GPC5: variants seen among roughly 807,000 people sequenced by gnomAD.
GPC5 encodes glypican 5.
Under a neutral mutation model 53.9 loss-of-function variants are expected in GPC5, and 47 were observed. The ratio of observed to expected loss-of-function variants is 0.87; its 90% CI spans 0.69 to 1.11. GPC5 has a LOEUF of 1.11. Among genes scored for constraint, GPC5 ranks in the 50% most tolerant of loss-of-function variants. GPC5 has a pLI of 0.00. For missense variants in GPC5, 748 were observed against 713.1 expected, an observed-to-expected ratio of 1.05 and a Z score of -0.56; for synonymous variants, 286 against 263.3, an observed-to-expected ratio of 1.09 and a Z score of -0.84.
intron 6 of GPC5, among the ~76,000 whole-genome samples, chr13:91,986,774 A>G (rs1041583387): frequency 1.3e-5 from 2 of 152,228 alleles, no homozygotes; most frequent in African/African-American, 4.8e-5. Flanking sequence ...TATATTCTCT[A>G]TGAAAACATA....
At chr13:91,772,833 C>G (rs1004820384) in intron 5 of GPC5, among the ~76,000 whole-genome samples, 2 of 152,066 alleles carry the variant, frequency 1.3e-5, no homozygotes, top group African/African-American at 4.8e-5. Context: ...GTCCCAGATT[C>G]TATGTTTTAA....
rs147585193 is a variant in GPC5 at position 92,201,377 on chromosome 13, T to C, written c.1561+56388T>C. Among the ~76,000 whole-genome samples the C allele has an allele frequency of 7.5e-4, 114 of 152,332 alleles. 1 individual carries two copies. The highest frequency in any genetic ancestry group is 2.6e-3 in the African/African-American group (109 of 41,578). The stretch of plus-strand genomic sequence containing the variant: ...CAGCCATGGCACATTGTCACTTCAA[T>C]TGATGTGCATGGTTGATACTACAAG... On this transcript the variant is annotated intron_variant, in intron 7 of 7. Transcript: ENST00000377067.
At chr13:92,168,570 CAT>C (rs769264583) in intron 7 of GPC5, among the ~76,000 whole-genome samples, 2 of 152,036 alleles carry the variant, frequency 1.3e-5, no homozygotes, top group Non-Finnish European at 2.9e-5. Flanking sequence ...AATCAACAAA[CAT>C]ATGAAAAAAA....
chr13:92,449,087 C>G (rs1300274964), intron 7 of GPC5: 1 of 151,578 alleles, frequency 6.6e-6, no homozygotes, highest in African/African-American at 2.4e-5. Flanking sequence ...TATAGAAGCT[C>G]AGCTTTTCTA....
chr13:91,964,865 A>T (rs148933134), intron 6 of GPC5, among the ~76,000 whole-genome samples: 2,950 of 152,264 alleles, frequency 0.019, 90 homozygotes, highest in African/African-American at 0.067. Flanking sequence ...TGTATTAAGA[A>T]AATGTGGCAC....
intron 6 of GPC5, among the ~76,000 whole-genome samples, chr13:92,080,654 A>C: frequency 6.6e-6 from 1 of 152,172 alleles, no homozygotes; most frequent in Non-Finnish European, 1.5e-5. Context: ...TCTGGCTGCT[A>C]TACTTACACA....
intron 7 of GPC5, among the ~76,000 whole-genome samples, chr13:92,752,579 G>A (rs893842207): frequency 8.5e-5 from 13 of 152,112 alleles, no homozygotes; most frequent in African/African-American, 2.2e-4. Flanking sequence ...CTGAGGTACC[G>A]GGTTCATCTC....
At chr13:92,064,509 G>A (rs1280501792) in intron 6 of GPC5, among the ~76,000 whole-genome samples, 2 of 152,100 alleles carry the variant, frequency 1.3e-5, no homozygotes, top group East Asian at 3.9e-4. Flanking sequence ...TGTAATCCCA[G>A]CACTTTGGGA....
At chr13:92,674,574 CAGGAGCTTCATGAAGCTCTTCT>C (rs1315171849) in intron 7 of GPC5, among the ~76,000 whole-genome samples, 2 of 147,626 alleles carry the variant, frequency 1.4e-5, no homozygotes, top group African/African-American at 5.2e-5. Context: ...CTTCTTGAAG[CAGGAGCTTCATGAAGCTCTTCT>C]TGAAGCAAGA....
In GPC5 at chr13:92,815,596, G is replaced by A. The variant is rs563432595; in HGVS notation, c.1562-50686G>A. 3.3e-5 allele frequency among the ~76,000 whole-genome samples: 5 copies of A among 151,912 alleles called. No individual in the cohort carries two copies. The East Asian group carries it at 9.7e-4, about 29-fold the overall frequency. On this transcript the variant is annotated intron_variant, in intron 7 of 7. Coordinates refer to ENST00000377067, the MANE Select transcript of GPC5 (RefSeq NM_004466.6). The stretch of plus-strand genomic sequence containing the variant: ...AATACTATAAGCAGGAAAGTTACAG[G>A]AGTTATAGTTGTATGTATCGAAAAA...
At chr13:92,383,239 C>A (rs1282456654) in intron 7 of GPC5, among the ~76,000 whole-genome samples, 1 of 152,104 alleles carries the variant, frequency 6.6e-6, no homozygotes, top group Non-Finnish European at 1.5e-5. Flanking sequence ...AAGCCAACAT[C>A]TGATGGAGAA....
At chr13:92,435,932 T>C (rs1397273586) in intron 7 of GPC5, among the ~76,000 whole-genome samples, 1 of 152,202 alleles carries the variant, frequency 6.6e-6, no homozygotes, top group Non-Finnish European at 1.5e-5. Flanking sequence ...AGCACTTCAT[T>C]TGCCAAAAGT....
At chr13:91,461,170 C>T (rs758196672) in intron 2 of GPC5, among the ~76,000 whole-genome samples, 1 of 152,088 alleles carries the variant, frequency 6.6e-6, no homozygotes, top group African/African-American at 2.4e-5. Context: ...CAAAGATAAT[C>T]GAACTTTTGC....
intron 7 of GPC5, among the ~76,000 whole-genome samples, chr13:92,401,560 G>A (rs1875561727): frequency 6.6e-6 from 1 of 152,030 alleles, no homozygotes; most frequent in Non-Finnish European, 1.5e-5. Flanking sequence ...TTATTTCACA[G>A]AGGTTATTTT....
intron 6 of GPC5, among the ~76,000 whole-genome samples, chr13:92,093,746 A>G (rs1474067890): frequency 6.6e-6 from 1 of 152,236 alleles, no homozygotes; most frequent in Non-Finnish European, 1.5e-5. Flanking sequence ...TGAGAAAGTC[A>G]TTAAAGTAGA....
intron 2 of GPC5, among the ~76,000 whole-genome samples, chr13:91,686,706 C>A (rs966094362): frequency 2.0e-5 from 3 of 151,778 alleles, no homozygotes; most frequent in Admixed American, 6.6e-5. Flanking sequence ...TTCATTGTAA[C>A]GTGTGTGATA....
chr13:92,301,425 A>ATCT (rs2043074666), intron 7 of GPC5, among the ~76,000 whole-genome samples: 1 of 152,214 alleles, frequency 6.6e-6, no homozygotes, highest in Non-Finnish European at 1.5e-5. Context: ...AAAATACAGT[A>ATCT]GCAAGAAAAC....
At position 92,357,149 on chromosome 13, in the gene GPC5, G is replaced by A. The variant is rs999482344; in HGVS notation, c.1561+212160G>A. Among the ~76,000 whole-genome samples the A allele has an allele frequency of 5.3e-5, 8 of 151,610 alleles. 1 individual carries two copies. Among genetic ancestry groups the A allele is most frequent in the Non-Finnish European group, 7.4e-5 (5 of 68,006 alleles). On this transcript the variant is annotated intron_variant, in intron 7 of 7. Transcript: ENST00000377067. The stretch of plus-strand genomic sequence containing the variant: ...GCATTTGGATTGATTCCATGTCTTC[G>A]CTGTGTTAATAGTACTGCAAGGGAC...
chr13:92,400,952 C>T (rs896808273), intron 7 of GPC5, among the ~76,000 whole-genome samples: 2 of 151,764 alleles, frequency 1.3e-5, no homozygotes, highest in Non-Finnish European at 2.9e-5. Context: ...GGGACAGGGA[C>T]AAATCCTAGG....
Sources: gnomAD v4.1 joint callset for allele counts (sites outside exome capture counted in the v4.1 genomes callset) on GRCh38, gnomAD v4.1.1 for gene constraint, MANE v1.5 for transcripts, NCBI Gene and HGNC (gene_info 2026-07-23, HGNC 2026-07-21) for gene names.